The following UBE2O variants were observed in gnomAD, a reference collection of about 807,000 sequenced individuals.
UBE2O encodes the protein (E3-independent) E2 ubiquitin-conjugating enzyme.
Under a neutral mutation model 125.8 loss-of-function variants are expected in UBE2O, and 15 were observed. The ratio of observed to expected loss-of-function variants is 0.12; its 90% CI spans 0.08 to 0.18. The LOEUF is 0.18. UBE2O is among the 10% of genes least tolerant of loss of function. UBE2O has a pLI of 1.00. For synonymous variants in UBE2O, 708 were observed against 703.2 expected (o/e 1.01, Z -0.11); for missense variants, 1,280 against 1,723.6 (o/e 0.74, Z 4.56).
chr17:76,392,983 C>T (rs777531984), intron 15 of UBE2O, among the ~76,000 whole-genome samples: 4 of 151,510 alleles, frequency 2.6e-5, no homozygotes, highest in Non-Finnish European at 5.9e-5. Flanking sequence ...CTCAGCCAGA[C>T]GTGATGGCTC....
Position 76,398,031 on chromosome 17 carries a change from A to C in UBE2O, c.2026-143T>G. 1 of 1,027,238 alleles carries C rather than the reference A, an allele frequency of 9.7e-7. No homozygotes were observed. The highest frequency in any genetic ancestry group is 2.5e-5 in the East Asian group (1 of 39,504). 63.6% of individuals were successfully genotyped at this position (1,027,238 alleles called of 1,614,324 possible). On this transcript the variant is annotated intron_variant, in intron 12 of 17. Transcript: ENST00000319380. This position sits in a 1 kb window ranked among gnomAD's most constrained non-coding sequence, Gnocchi z 5.4. The stretch of plus-strand genomic sequence containing the variant: ...TCCTCTGGTAAATGTAACCAGCGGC[A>C]GCTCAAGAAGCCTGACCCCAGAAGG...
chr17:76,390,978 C>T lies in UBE2O; in HGVS notation c.3844G>A (p.Glu1282Lys). 1 of 1,612,562 alleles carries T rather than the reference C, an allele frequency of 6.2e-7. No individual in the cohort carries two copies. The highest frequency in any genetic ancestry group is 8.5e-7 in the Non-Finnish European group (1 of 1,179,380). The change falls in exon 18 of 18, where the codon GAG becomes AAG. Residue 1282 changes from glutamate to lysine, a missense_variant. Glu to Lys is a moderately conservative substitution (Grantham distance 56). Coordinates refer to ENST00000319380, the MANE Select transcript of UBE2O (RefSeq NM_022066.4). ...TCTGTGCACTCCGGCATGCCTGCCT[C>T]TAGCAGGGCAGCCCGGAACTGCGTC... ...VLTQFRAALL[E>K]AGMPECTEDK
At position 76,391,529 on chromosome 17, in the gene UBE2O, C is replaced by T; in HGVS notation, c.3293G>A (p.Arg1098His). 2.5e-6 allele frequency: 4 copies of T among 1,614,132 alleles called. No homozygotes were observed. Among genetic ancestry groups the T allele is most frequent in the South Asian group, 1.1e-5 (1 of 91,090 alleles). The change falls in exon 18 of 18, where the codon CGC becomes CAC. Residue 1098 changes from arginine (R) to histidine (H), a missense_variant. Arg to His is a conservative substitution (Grantham distance 29). Transcript: ENST00000319380. This position sits in a 1 kb window ranked among gnomAD's most constrained non-coding sequence, Gnocchi z 8.4. The stretch of plus-strand genomic sequence containing the variant: ...GATCAGCGCCATCTCATTGTAACAG[C>T]GACTGTTTTCATAGCCTTCCTGCAG... ...RGLQEGYENS[R>H]CYNEMALIRV...
chr17:76,390,768 G>A lies in UBE2O; in HGVS notation c.*175C>T, dbSNP rs956279058. ...TGAAAGCTCGCTTCAAAATAGAAAC[G>A]GCAGCATCTCAACACACTTCTTGCA... On this transcript the variant is annotated 3_prime_UTR_variant, in exon 18 of 18. Transcript: ENST00000319380. 13 of 558,730 alleles carry A rather than the reference G, an allele frequency of 2.3e-5. No individual in the cohort carries two copies. Among genetic ancestry groups the A allele is most frequent in the East Asian group, 6.3e-5 (2 of 31,576 alleles). The allele number at this position is 558,730 out of a possible 1,614,324, so 34.6% of individuals were successfully genotyped here.
chr17:76,411,413 C>T (rs973612781), intron 1 of UBE2O, among the ~76,000 whole-genome samples: 9 of 152,214 alleles, frequency 5.9e-5, no homozygotes, highest in African/African-American at 1.9e-4. Context: ...AGGGAAAAGG[C>T]GGCTTTGTGC....
chr17:76,426,729 A>G (rs2072817450), intron 1 of UBE2O, among the ~76,000 whole-genome samples: 1 of 152,118 alleles, frequency 6.6e-6, no homozygotes, highest in Admixed American at 6.5e-5. Flanking sequence ...ACTGATTTCC[A>G]TTTTTTGTTG....
At chr17:76,394,149 C>T (rs2072163739) in intron 15 of UBE2O, among the ~76,000 whole-genome samples, 1 of 152,230 alleles carries the variant, frequency 6.6e-6, no homozygotes, top group Non-Finnish European at 1.5e-5. Context: ...ACTCCGGGCC[C>T]ATCTCAACAG....
intron 13 of UBE2O, among the ~76,000 whole-genome samples, chr17:76,397,539 T>C (rs2072235427): frequency 6.6e-6 from 1 of 152,190 alleles, no homozygotes; most frequent in Non-Finnish European, 1.5e-5. Context: ...GAGCTGACAA[T>C]CCAGGAAAAT....
Position 76,402,076 on chromosome 17 carries a change from G to A in UBE2O, c.738C>T (p.His246=), listed in dbSNP as rs757731628. Reference sequence around the variant, plus strand: ...TGGAGCACACTACCGAGTCGCTGACGTGCGGGCAGACGTCGTAGAGCTTGG... The same window carrying A: ...TGGAGCACACTACCGAGTCGCTGACATGCGGGCAGACGTCGTAGAGCTTGG... The part of the protein sequence containing the change: ...DGAKLYDVCP[H]VSDSGLFFDD... The change falls in exon 5 of 18, where the codon CAC becomes CAT. Residue 246 remains histidine (H), a synonymous_variant. Transcript: ENST00000319380. The surrounding 1 kb of genome is among the most constrained non-coding windows in gnomAD (Gnocchi z 5.4). 2.8e-5 allele frequency: 45 copies of A among 1,613,572 alleles called. No homozygotes were observed. Among genetic ancestry groups the A allele is most frequent in the African/African-American group, 9.3e-5 (7 of 74,900 alleles).
chr17:76,400,912 G>T lies in UBE2O; in HGVS notation c.894+99C>A. 7.0e-7 allele frequency: 1 copy of T among 1,421,070 alleles called. No individual in the cohort carries two copies. The highest frequency in any genetic ancestry group is 1.3e-5 in the South Asian group (1 of 76,966). The allele number at this position is 1,421,070 out of a possible 1,614,324, so 88.0% of individuals were successfully genotyped here. On this transcript the variant is annotated intron_variant, in intron 6 of 17. Coordinates refer to ENST00000319380, the MANE Select transcript of UBE2O (RefSeq NM_022066.4). This position sits in a 1 kb window ranked among gnomAD's most constrained non-coding sequence, Gnocchi z 4.3. ...CAACAGGGTCCAGATGCTGAGGAGCGGGGCTCAACCCTCAAGAGCAGGAAG... is the reference window on the plus strand; with the variant it reads ...CAACAGGGTCCAGATGCTGAGGAGCTGGGCTCAACCCTCAAGAGCAGGAAG...
chr17:76,421,274 C>T (rs562105022), intron 1 of UBE2O, among the ~76,000 whole-genome samples: 1 of 152,328 alleles, frequency 6.6e-6, no homozygotes, highest in Admixed American at 6.5e-5. Flanking sequence ...ATGGCTGACA[C>T]CACATGGTCA....
At chr17:76,414,446 A>G (rs2072565299) in intron 1 of UBE2O, among the ~76,000 whole-genome samples, 2 of 152,222 alleles carry the variant, frequency 1.3e-5, no homozygotes, top group African/African-American at 4.8e-5. Flanking sequence ...CTGGGTGGGG[A>G]GACCAGAAAC....
At chr17:76,408,581 C>G (rs2072462832) in intron 1 of UBE2O, among the ~76,000 whole-genome samples, 1 of 152,218 alleles carries the variant, frequency 6.6e-6, no homozygotes, top group African/African-American at 2.4e-5. Flanking sequence ...GACAGTGATT[C>G]TTCTGCTTAT....
Position 76,405,610 on chromosome 17 carries a change from G to A in UBE2O, c.418-38C>T, listed in dbSNP as rs776416647. The A allele has an allele frequency of 4.2e-5, 64 of 1,526,866 alleles. No individual in the cohort carries two copies. Among genetic ancestry groups the A allele is most frequent in the Non-Finnish European group, 5.6e-5 (63 of 1,119,154 alleles). 94.6% of individuals were successfully genotyped at this position (1,526,866 alleles called of 1,614,324 possible). On this transcript the variant is annotated intron_variant, in intron 1 of 17. Coordinates refer to ENST00000319380, the MANE Select transcript of UBE2O (RefSeq NM_022066.4). The surrounding 1 kb of genome is among the most constrained non-coding windows in gnomAD (Gnocchi z 6.1). The stretch of plus-strand genomic sequence containing the variant: ...ATACAGGTGTGAGAGAATGGACTCT[G>A]AAGCCACCACAGAATACAGTTTTCT...
chr17:76,402,837 C>A lies in UBE2O; in HGVS notation c.589-138G>T. ...ACTGACTGGACCGGTTGGCTACTAG[C>A]CCTAAACAGCTGCTGCAGCAGGCCC... On this transcript the variant is annotated intron_variant, in intron 3 of 17. Coordinates refer to ENST00000319380, the MANE Select transcript of UBE2O (RefSeq NM_022066.4). This position sits in a 1 kb window ranked among gnomAD's most constrained non-coding sequence, Gnocchi z 5.4. The A allele has an allele frequency of 1.5e-6, 1 of 688,202 alleles. No homozygotes were observed. The highest frequency in any genetic ancestry group is 2.6e-6 in the Non-Finnish European group (1 of 390,996). 42.6% of individuals were successfully genotyped at this position (688,202 alleles called of 1,614,324 possible).
At chr17:76,431,944 A>C (rs553468610) in intron 1 of UBE2O, among the ~76,000 whole-genome samples, 1 of 152,344 alleles carries the variant, frequency 6.6e-6, no homozygotes, top group African/African-American at 2.4e-5. Context: ...GTCAGAACTG[A>C]TCCAGGCTTA....
At chr17:76,437,449 CAAA>C in intron 1 of UBE2O, among the ~76,000 whole-genome samples, 1 of 58,400 alleles carries the variant, frequency 1.7e-5, no homozygotes, top group African/African-American at 5.8e-5. Context: ...GATTCCATCT[CAAA>C]AAAAAAAAAA....
rs1397998476 is a variant in UBE2O at position 76,391,468 on chromosome 17, C to A, written c.3354G>T (p.Arg1118=). The part of the protein sequence containing the change: ...VVQSMTQLVR[R]PPEVFEQEIR... ...TCTCCTGCTCAAAGACCTCGGGGGG[C>A]CGCCGCACCAGCTGGGTCATGGACT... is the stretch of plus-strand genomic sequence containing the variant. Residue 1118 remains arginine, a synonymous_variant, in exon 18 of 18, where the codon CGG becomes CGT. Coordinates refer to ENST00000319380, the MANE Select transcript of UBE2O (RefSeq NM_022066.4). The surrounding 1 kb of genome is among the most constrained non-coding windows in gnomAD (Gnocchi z 8.4). 2 of 1,613,948 alleles carry A rather than the reference C, an allele frequency of 1.2e-6. No individual in the cohort carries two copies. Among genetic ancestry groups the A allele is most frequent in the Admixed American group, 1.7e-5 (1 of 60,034 alleles).
chr17:76,411,752 C>G (rs2072520330), intron 1 of UBE2O, among the ~76,000 whole-genome samples: 2 of 152,164 alleles, frequency 1.3e-5, no homozygotes, highest in African/African-American at 4.8e-5. Flanking sequence ...GTGGCGCAAG[C>G]AGGGTTCACT....
Sources: allele counts gnomAD v4.1 joint callset (sites outside exome capture counted in the v4.1 genomes callset), GRCh38; gene constraint gnomAD v4.1.1; non-coding constraint Gnocchi (gnomAD v3.1); transcripts MANE v1.5; gene names NCBI Gene and HGNC (gene_info 2026-07-23, HGNC 2026-07-21).